The following SMG6 variants were observed in gnomAD, a reference collection of about 807,000 sequenced individuals.
SMG6 encodes the protein telomerase-binding protein EST1A.
SMG6 carries 66 observed loss-of-function variants against 142.2 expected under a neutral mutation model. The observed-to-expected ratio is 0.46, with a 90% confidence interval of 0.38 to 0.57. The LOEUF (loss-of-function observed/expected upper bound fraction) is 0.57. SMG6 is among the 20% of genes least tolerant of loss of function. The probability of loss-of-function intolerance (pLI) is 0.00; values close to 1 mark genes in which losing one functional copy is unlikely to be tolerated. For missense variants in SMG6, 1,793 were observed against 1,832.0 expected (o/e 0.98, Z 0.39); for synonymous variants, 779 against 702.4 (o/e 1.11, Z -1.72).
chr17:2,249,955 A>G (rs1410284351), intron 8 of SMG6, among the ~76,000 whole-genome samples: 1 of 152,222 alleles, frequency 6.6e-6, no homozygotes, highest in African/African-American at 2.4e-5. Flanking sequence ...TATAAGTAAA[A>G]TGTTTTGGAT....
intron 10 of SMG6, among the ~76,000 whole-genome samples, chr17:2,213,117 C>T (rs1305164001): frequency 6.6e-6 from 1 of 152,222 alleles, no homozygotes; most frequent in African/African-American, 2.4e-5. Context: ...CCAGGACTTA[C>T]AGTCACCCTG....
chr17:2,150,534 G>A (rs1015630578), intron 13 of SMG6, among the ~76,000 whole-genome samples: 2 of 149,772 alleles, frequency 1.3e-5, no homozygotes, highest in Non-Finnish European at 3.0e-5. Context: ...CTATGGAAGT[G>A]ATCCCCAAAG....
rs377071604 is a variant in SMG6, at chr17:2,105,545, A to AAAATAAAT, written c.3358-19652_3358-19645dup. Among the ~76,000 whole-genome samples, 361 of 151,896 alleles carry AAAATAAAT rather than the reference A, an allele frequency of 2.4e-3. 2 individuals are homozygous for AAAATAAAT. Among genetic ancestry groups the AAAATAAAT allele is most frequent in the African/African-American group, 7.6e-3 (315 of 41,496 alleles). ...GCAACAAGAGCAAAACTCTGTCTCA[A>AAAATAAAT]AAATAAATAAATAAATAAATAAATA... On this transcript the variant is annotated intron_variant, in intron 13 of 18. Coordinates refer to ENST00000263073, the MANE Select transcript of SMG6 (RefSeq NM_017575.5).
At chr17:2,169,192 C>T (rs2151643475) in intron 13 of SMG6, among the ~76,000 whole-genome samples, 1 of 151,880 alleles carries the variant, frequency 6.6e-6, no homozygotes, top group South Asian at 2.1e-4. Context: ...TCGCTTGAAC[C>T]CGGGAGAAAG....
chr17:2,238,214 G>C (rs1249008222), intron 9 of SMG6, among the ~76,000 whole-genome samples: 1 of 152,272 alleles, frequency 6.6e-6, no homozygotes, highest in East Asian at 1.9e-4. Flanking sequence ...TCGTGCCACA[G>C]TTATGGGTCA....
In SMG6 at chr17:2,236,550, G is replaced by C. The variant is rs753038041; in HGVS notation, c.2811C>G (p.Thr937=). The part of the protein sequence containing the change: ...LQHSPSPIGS[T]RMLQLMTINM... ...TGATGGTCATAAGCTGCAGCATGCG[G>C]GTACTTCCAATGGGAGAGGGGCTGT... Residue 937 remains threonine (T), a synonymous_variant, in exon 10 of 19, where the codon ACC becomes ACG. Coordinates refer to ENST00000263073, the MANE Select transcript of SMG6 (RefSeq NM_017575.5). The C allele has an allele frequency of 3.1e-6, 5 of 1,613,606 alleles. No homozygotes were observed. Among genetic ancestry groups the C allele is most frequent in the Non-Finnish European group, 4.2e-6 (5 of 1,179,814 alleles).
intron 13 of SMG6, chr17:2,087,818 A>G: frequency 1.0e-6 from 1 of 985,858 alleles, no homozygotes. Context: ...TCTCACTTGC[A>G]TAGGAAACTT....
intron 8 of SMG6, among the ~76,000 whole-genome samples, chr17:2,275,006 CAA>C (rs57628038): frequency 0.071 from 8,217 of 115,814 alleles, 733 homozygotes; most frequent in African/African-American, 0.22. Context: ...AAAGCATGGG[CAA>C]AAAAAAAAAA....
At chr17:2,067,526 G>A (rs1343681384) in intron 16 of SMG6, among the ~76,000 whole-genome samples, 26 of 152,184 alleles carry the variant, frequency 1.7e-4, no homozygotes. Flanking sequence ...GCCCCAGCGA[G>A]GAGAAGGGAA....
At position 2,071,601 on chromosome 17, in the gene SMG6, G is replaced by A. The variant is rs542091196; in HGVS notation, c.3682-2670C>T. On this transcript the variant is annotated intron_variant, in intron 15 of 18. Transcript: ENST00000263073. The surrounding 1 kb of genome is among the most constrained non-coding windows in gnomAD (Gnocchi z 5.6). ...CCATCATCCGGTCCCAGGGACGCCC[G>A]CAGACAACTTCCCTTAACCTGGCTC... 3.3e-5 allele frequency among the ~76,000 whole-genome samples: 5 copies of A among 152,318 alleles called. No homozygotes were observed. In the East Asian group the frequency reaches 5.8e-4, roughly 18 times the overall value.
At chr17:2,251,570 C>A (rs991834766) in intron 8 of SMG6, among the ~76,000 whole-genome samples, 1 of 152,226 alleles carries the variant, frequency 6.6e-6, no homozygotes, top group African/African-American at 2.4e-5. Flanking sequence ...TTAAAACTAC[C>A]TCTTCCAACT....
chr17:2,113,702 T>C (rs1168486648), intron 13 of SMG6, among the ~76,000 whole-genome samples: 5 of 152,224 alleles, frequency 3.3e-5, no homozygotes, highest in Non-Finnish European at 7.3e-5. Flanking sequence ...ATTTTCACCT[T>C]TCCTTTCCTG....
At chr17:2,160,000 G>C (rs2071125139) in intron 13 of SMG6, among the ~76,000 whole-genome samples, 1 of 152,136 alleles carries the variant, frequency 6.6e-6, no homozygotes, top group Non-Finnish European at 1.5e-5. Flanking sequence ...TAGCTGCCTG[G>C]GGCAGGGAGT....
At chr17:2,240,289 A>G (rs993621966) in intron 9 of SMG6, 4 of 152,170 alleles carry the variant, frequency 2.6e-5, no homozygotes, top group Admixed American at 2.6e-4. Context: ...ACTGACTCAG[A>G]CGGTGACTAA....
intron 8 of SMG6, among the ~76,000 whole-genome samples, chr17:2,272,942 A>G (rs946137506): frequency 6.6e-6 from 1 of 151,778 alleles, no homozygotes; most frequent in Non-Finnish European, 1.5e-5. Flanking sequence ...AAAAAAAAAA[A>G]GTGTCCTTTT....
intron 12 of SMG6, among the ~76,000 whole-genome samples, chr17:2,182,643 G>T (rs1034695951): frequency 4.6e-5 from 7 of 152,066 alleles, no homozygotes; most frequent in Non-Finnish European, 1.0e-4. Flanking sequence ...AGACTCACAT[G>T]GCTGGTCCCC....
chr17:2,184,441 T>C (rs561795707), intron 12 of SMG6, among the ~76,000 whole-genome samples: 1 of 151,570 alleles, frequency 6.6e-6, no homozygotes, highest in East Asian at 1.9e-4. Flanking sequence ...GTAGATCACC[T>C]GAGGTCAGGA....
At chr17:2,106,554 A>G (rs987665486) in intron 13 of SMG6, among the ~76,000 whole-genome samples, 1 of 152,118 alleles carries the variant, frequency 6.6e-6, no homozygotes, top group South Asian at 2.1e-4. Flanking sequence ...ATGACCAGAG[A>G]GGTCTTATGT....
At chr17:2,204,779 G>A (rs1360849746) in intron 10 of SMG6, among the ~76,000 whole-genome samples, 2 of 152,108 alleles carry the variant, frequency 1.3e-5, no homozygotes, top group Non-Finnish European at 2.9e-5. Context: ...CCTAGGCAAC[G>A]TGGCAAAACC....
Sources: allele counts gnomAD v4.1 joint callset (sites outside exome capture counted in the v4.1 genomes callset), GRCh38; gene constraint gnomAD v4.1.1; non-coding constraint Gnocchi (gnomAD v3.1); transcripts MANE v1.5; gene names NCBI Gene and HGNC (gene_info 2026-07-23, HGNC 2026-07-21).